TPM3: variants seen among roughly 807,000 people sequenced by gnomAD.
TPM3 encodes tropomyosin 3.
In TPM3, 16 loss-of-function variants were observed where a neutral mutation model predicts 43.1. That is an observed-to-expected ratio of 0.37 (90% CI 0.25 to 0.56). The LOEUF is 0.56. Among genes scored for constraint, TPM3 ranks in the 20% least tolerant of loss-of-function variants. The pLI is 0.77. For synonymous variants in TPM3, 101 were observed against 116.9 expected (o/e 0.86, Z 0.88); for missense variants, 176 against 337.2 (o/e 0.52, Z 3.74).
At chr1:154,173,926 G>A (rs1251330035) in intron 3 of TPM3, among the ~76,000 whole-genome samples, 1 of 152,116 alleles carries the variant, frequency 6.6e-6, no homozygotes, top group Non-Finnish European at 1.5e-5. Flanking sequence ...GTTGCAGTAA[G>A]CCAAGATCGC....
chr1:154,156,899 A>T, downstream of TPM3: 1 of 196,744 alleles, frequency 5.1e-6, no homozygotes, highest in East Asian at 7.9e-5. Context: ...CATAAGGGGG[A>T]CATGATCCAT....
At chr1:154,160,897 G>A (rs1194894959), downstream of TPM3, among the ~76,000 whole-genome samples, 1 of 152,082 alleles carries the variant, frequency 6.6e-6, no homozygotes, top group Non-Finnish European at 1.5e-5. Context: ...AGATGTGTGT[G>A]TTTGTGTGTG....
At chr1:154,156,294 C>T (rs1048819962), downstream of TPM3, 1 of 182,552 alleles carries the variant, frequency 5.5e-6, no homozygotes, top group African/African-American at 2.4e-5. Context: ...TATTTTTAAC[C>T]CAAACCTCAT....
chr1:154,182,758 C>T (rs1234444657), intron 2 of TPM3, among the ~76,000 whole-genome samples: 1 of 152,092 alleles, frequency 6.6e-6, no homozygotes, highest in Non-Finnish European at 1.5e-5. Context: ...CCCCAAACCC[C>T]GTAAGGCTCA....
intron 2 of TPM3, chr1:154,183,678 A>T (rs376948450): frequency 5.7e-6 from 1 of 174,670 alleles, no homozygotes; most frequent in African/African-American, 2.4e-5. Flanking sequence ...GGTTCAAAAG[A>T]GCCCCACTCA....
At chr1:154,189,999 T>C (rs1041418355) in intron 2 of TPM3, among the ~76,000 whole-genome samples, 3 of 152,068 alleles carry the variant, frequency 2.0e-5, no homozygotes, top group Non-Finnish European at 4.4e-5. Context: ...TAGAGTGCAG[T>C]GGTACGATCT....
rs1660872256 is a variant in TPM3, at chr1:154,165,733, G to A, written c.*2204C>T. On this transcript the variant is annotated 3_prime_UTR_variant, in exon 10 of 10. Transcript: ENST00000651641. ...GAACCCAGGAGGCAGAGGTTGCAGT[G>A]AGCTGAGATCAGGCCACTGAACTCC... is the stretch of plus-strand genomic sequence containing the variant. Among the ~76,000 whole-genome samples, 1 of 147,718 alleles carries A rather than the reference G, an allele frequency of 6.8e-6. No homozygotes were observed. The highest frequency in any genetic ancestry group is 2.5e-5 in the African/African-American group (1 of 39,802).
At chr1:154,170,193 G>A in intron 8 of TPM3, 1 of 591,778 alleles carries the variant, frequency 1.7e-6, no homozygotes, top group Non-Finnish European at 3.0e-6. Context: ...ATTTGGTAAA[G>A]TCTTCTTAAA....
At chr1:154,177,177 T>C (rs1172369032) in intron 2 of TPM3, among the ~76,000 whole-genome samples, 1 of 152,152 alleles carries the variant, frequency 6.6e-6, no homozygotes, top group Non-Finnish European at 1.5e-5. Context: ...GCCCTTCAAC[T>C]TGTGCCCCCG....
At chr1:154,160,538 T>C (rs1037805646), downstream of TPM3, among the ~76,000 whole-genome samples, 1 of 152,184 alleles carries the variant, frequency 6.6e-6, no homozygotes. Flanking sequence ...ACCTTTAACT[T>C]GCACTCCCCA....
rs1661765471 is a variant in TPM3, at chr1:154,172,908, G to C, written c.566C>G (p.Ser189Cys). The stretch of plus-strand genomic sequence containing the variant: ...AAGATTTGGGGAGCTAGATACTCAC[G>C]ACTCTGCCAGCTCAGCTCGTTCCTC... ...RTEERAELAE[S>C]KCSELEEELK... Residue 189 changes from serine to cysteine, a missense_variant and splice_region_variant, in exon 5 of 10, where the codon TCT becomes TGT. Coordinates refer to ENST00000651641, the MANE Select transcript of TPM3 (RefSeq NM_152263.4). 1 of 1,614,030 alleles carries C rather than the reference G, an allele frequency of 6.2e-7. No individual in the cohort carries two copies. The highest frequency in any genetic ancestry group is 8.5e-7 in the Non-Finnish European group (1 of 1,180,034).
At chr1:154,182,451 T>C (rs1349322661) in intron 2 of TPM3, among the ~76,000 whole-genome samples, 1 of 152,182 alleles carries the variant, frequency 6.6e-6, no homozygotes, top group Non-Finnish European at 1.5e-5. Context: ...GCTGCCTCAT[T>C]TCCTGAGCAG....
chr1:154,168,811 C>G (rs1661264734), intron 9 of TPM3, among the ~76,000 whole-genome samples: 1 of 151,840 alleles, frequency 6.6e-6, no homozygotes, highest in Admixed American at 6.6e-5. Context: ...CAGGTGTGAG[C>G]CACTACGCCC....
At position 154,164,144 on chromosome 1, in the gene TPM3, T is replaced by C. The variant is rs1271844535; in HGVS notation, c.*3793A>G. 3.3e-5 allele frequency among the ~76,000 whole-genome samples: 5 copies of C among 151,998 alleles called. No homozygotes were observed. The highest frequency in any genetic ancestry group is 1.2e-4 in the African/African-American group (5 of 41,376). ...CCAAACCAGGACAACATGATCTCCC[T>C]ACATCTTTAACCCCACCACTTTCCT... On this transcript the variant is annotated 3_prime_UTR_variant, in exon 10 of 10. Transcript: ENST00000651641.
intron 2 of TPM3, chr1:154,183,019 T>A: frequency 6.2e-7 from 1 of 1,609,996 alleles, no homozygotes; most frequent in Non-Finnish European, 8.5e-7. Flanking sequence ...TCCCTCAACT[T>A]CTCGCTGGAG....
chr1:154,168,291 T>TA (rs1004966247), intron 9 of TPM3, among the ~76,000 whole-genome samples: 3 of 152,126 alleles, frequency 2.0e-5, no homozygotes, highest in African/African-American at 7.2e-5. Flanking sequence ...GGGAACCAAT[T>TA]AAACACACCC....
Position 154,165,361 on chromosome 1 carries a change from G to C in TPM3, c.*2576C>G. Among the ~76,000 whole-genome samples the C allele has an allele frequency of 6.6e-6, 1 of 151,996 alleles. No individual in the cohort carries two copies. The highest frequency in any genetic ancestry group is 1.9e-4 in the East Asian group (1 of 5,192). On this transcript the variant is annotated 3_prime_UTR_variant, in exon 10 of 10. Transcript: ENST00000651641. ...CTCACCACTGCACTCCATCCAGCCTGGGTGACAGAGCGAGACTCCATCTCA... is the reference window on the plus strand; with the variant it reads ...CTCACCACTGCACTCCATCCAGCCTCGGTGACAGAGCGAGACTCCATCTCA...
chr1:154,170,791 A>G (rs1355574836), intron 6 of TPM3, 80 bp from the exon 7 acceptor site: 2 of 960,740 alleles, frequency 2.1e-6, no homozygotes, highest in Non-Finnish European at 3.4e-6. Flanking sequence ...TTTAACTTAC[A>G]TTGAATATCC....
chr1:154,183,284 C>T, intron 2 of TPM3: 4 of 1,508,410 alleles, frequency 2.7e-6, no homozygotes, highest in East Asian at 2.5e-5. Context: ...GCCAGGCAGG[C>T]GGGAAGGCAG....
Sources: gnomAD v4.1 joint callset for allele counts (sites outside exome capture counted in the v4.1 genomes callset) on GRCh38, gnomAD v4.1.1 for gene constraint, MANE v1.5 for transcripts, NCBI Gene and HGNC (gene_info 2026-07-23, HGNC 2026-07-21) for gene names.